Variants in SHISA9 observed in about 807,000 individuals in gnomAD.
SHISA9 encodes the protein protein shisa-9.
In SHISA9, 13 loss-of-function variants were observed where a neutral mutation model predicts 38.0. The observed-to-expected ratio is 0.34, with a 90% CI of 0.22 to 0.54. The LOEUF (loss-of-function observed/expected upper bound fraction) is 0.54, where lower values mean the gene tolerates loss of function less well. Ranked by LOEUF, SHISA9 falls within the 20% of genes least tolerant of loss-of-function variation. The pLI, the probability that SHISA9 is intolerant of heterozygous loss-of-function variation, is 0.91. For missense variants in SHISA9, 538 were observed against 575.8 expected, an observed-to-expected ratio of 0.93 and a Z score of 0.67; for synonymous variants, 275 against 242.0, an observed-to-expected ratio of 1.14 and a Z score of -1.27.
At chr16:13,546,364 C>T in the SHISA9 span, among the ~76,000 whole-genome samples, 1 of 152,138 alleles carries the variant, frequency 6.6e-6, no homozygotes, top group East Asian at 1.9e-4. Flanking sequence ...TTATTTCATA[C>T]TGAAGAATTC....
At chr16:13,478,583 T>C in the SHISA9 span, among the ~76,000 whole-genome samples, 1 of 152,248 alleles carries the variant, frequency 6.6e-6, no homozygotes, top group Non-Finnish European at 1.5e-5. Flanking sequence ...CTGGAAGGTC[T>C]GTTCCACTCT....
the SHISA9 span, among the ~76,000 whole-genome samples, chr16:13,280,650 A>C: frequency 6.6e-6 from 1 of 151,830 alleles, no homozygotes; most frequent in Non-Finnish European, 1.5e-5. Context: ...TTGTAACGAG[A>C]GTATATACCT....
Position 12,902,171 on chromosome 16 carries a change from G to C in SHISA9, c.107G>C (p.Gly36Ala). ...GGACACGGGCAGCTGGCGCAACTGGGCGGCGTGTTGCTGCTGGCGGGGGGC... is the reference window on the plus strand; with the variant it reads ...GGACACGGGCAGCTGGCGCAACTGGCCGGCGTGTTGCTGCTGGCGGGGGGC... Reference protein sequence around the residue: ...RAGHGQLAQLGGVLLLAGGNR... With the variant: ...RAGHGQLAQLAGVLLLAGGNR... Residue 36 changes from glycine (G) to alanine (A), a missense_variant, in exon 1 of 5, where the codon GGC (glycine) becomes GCC (alanine). Transcript: ENST00000558583. 1 of 1,529,706 alleles carries C rather than the reference G, an allele frequency of 6.5e-7. No individual in the cohort carries two copies. Among genetic ancestry groups the C allele is most frequent in the Non-Finnish European group, 8.7e-7 (1 of 1,143,600 alleles). 94.8% of individuals were successfully genotyped at this position (1,529,706 alleles called of 1,614,324 possible).
At chr16:13,102,690 C>T (rs2073890452) in intron 2 of SHISA9, among the ~76,000 whole-genome samples, 2 of 152,174 alleles carry the variant, frequency 1.3e-5, no homozygotes, top group Non-Finnish European at 2.9e-5. Context: ...CACACCATCC[C>T]TGTTTCTCTG....
At chr16:13,322,920 GTCTGGATT>G in the SHISA9 span, among the ~76,000 whole-genome samples, 1 of 152,134 alleles carries the variant, frequency 6.6e-6, no homozygotes, top group Non-Finnish European at 1.5e-5. Flanking sequence ...GTCATACTGT[GTCTGGATT>G]CATGTCACGT....
the SHISA9 span, among the ~76,000 whole-genome samples, chr16:13,345,440 T>C: frequency 6.6e-6 from 1 of 152,190 alleles, no homozygotes; most frequent in Non-Finnish European, 1.5e-5. Context: ...ATAATTATGT[T>C]CTTTTTTTAT....
chr16:12,964,378 C>T (rs1423585621), intron 2 of SHISA9, among the ~76,000 whole-genome samples: 1 of 145,382 alleles, frequency 6.9e-6, no homozygotes, highest in African/African-American at 2.5e-5. Flanking sequence ...AAACATTGGA[C>T]TTTCTGTTTT....
intron 2 of SHISA9, among the ~76,000 whole-genome samples, chr16:13,163,201 A>C (rs1224611978): frequency 6.6e-6 from 1 of 152,198 alleles, no homozygotes; most frequent in Non-Finnish European, 1.5e-5. Flanking sequence ...AAATGAGAAA[A>C]TGTATTTGAA....
At chr16:13,410,729 G>T in the SHISA9 span, among the ~76,000 whole-genome samples, 2 of 152,292 alleles carry the variant, frequency 1.3e-5, no homozygotes, top group South Asian at 4.1e-4. Flanking sequence ...AGCCTGTCAG[G>T]TTGTGCCTGA....
the SHISA9 span, among the ~76,000 whole-genome samples, chr16:13,482,400 A>G: frequency 6.6e-6 from 1 of 152,236 alleles, no homozygotes; most frequent in Admixed American, 6.5e-5. Flanking sequence ...GGTATTCACC[A>G]TGCCATGTGG....
chr16:12,968,505 A>G (rs893392600), intron 2 of SHISA9, among the ~76,000 whole-genome samples: 4 of 152,248 alleles, frequency 2.6e-5, no homozygotes, highest in Non-Finnish European at 4.4e-5. Context: ...CAAACTGGAA[A>G]CAACTAAAAT....
At chr16:13,048,698 A>C (rs1337387973) in intron 2 of SHISA9, among the ~76,000 whole-genome samples, 1 of 152,240 alleles carries the variant, frequency 6.6e-6, no homozygotes, top group African/African-American at 2.4e-5. Flanking sequence ...CTGGGATTAC[A>C]GGCATGAGCC....
intron 2 of SHISA9, among the ~76,000 whole-genome samples, chr16:13,086,233 T>C (rs2073708715): frequency 1.3e-5 from 2 of 151,558 alleles, no homozygotes; most frequent in South Asian, 4.2e-4. Context: ...CATGTGCCTG[T>C]AGTCTCCGTG....
the SHISA9 span, among the ~76,000 whole-genome samples, chr16:13,485,332 G>T: frequency 6.6e-6 from 1 of 152,062 alleles, no homozygotes; most frequent in Non-Finnish European, 1.5e-5. Context: ...GAGAAGGATG[G>T]CTTCTAGCTT....
At chr16:13,332,878 G>A in the SHISA9 span, among the ~76,000 whole-genome samples, 1 of 152,188 alleles carries the variant, frequency 6.6e-6, no homozygotes, top group Non-Finnish European at 1.5e-5. Context: ...GGTGCTACAT[G>A]GCCCTGTGGT....
At chr16:12,994,047 G>C (rs1007533080) in intron 2 of SHISA9, among the ~76,000 whole-genome samples, 4 of 152,192 alleles carry the variant, frequency 2.6e-5, no homozygotes, top group Admixed American at 6.5e-5. Flanking sequence ...CCCAGAGCTA[G>C]AGAGATAAGG....
At chr16:13,142,784 A>T (rs2050412663) in intron 2 of SHISA9, among the ~76,000 whole-genome samples, 1 of 152,182 alleles carries the variant, frequency 6.6e-6, no homozygotes, top group South Asian at 2.1e-4. Flanking sequence ...TACCATGTTG[A>T]ACACACTGAA....
intron 2 of SHISA9, among the ~76,000 whole-genome samples, chr16:13,170,665 T>C (rs994923683): frequency 6.6e-6 from 1 of 152,204 alleles, no homozygotes; most frequent in African/African-American, 2.4e-5. Context: ...TGTTTGTTTG[T>C]TTGTTTTTTG....
chr16:13,428,080 A>G, the SHISA9 span, among the ~76,000 whole-genome samples: 52 of 152,354 alleles, frequency 3.4e-4, no homozygotes, highest in Non-Finnish European at 6.3e-4. Context: ...TTGTCACTGA[A>G]GACACAGAAC....
Sources: allele counts gnomAD v4.1 joint callset (sites outside exome capture counted in the v4.1 genomes callset), GRCh38; gene constraint gnomAD v4.1.1; transcripts MANE v1.5; gene names NCBI Gene and HGNC (gene_info 2026-07-23, HGNC 2026-07-21).